CNTNAP5: variants seen among roughly 807,000 people sequenced by gnomAD.
The protein encoded by CNTNAP5 is contactin-associated protein-like 5.
Under a neutral mutation model 150.2 loss-of-function variants are expected in CNTNAP5, and 72 were observed. The observed-to-expected ratio is 0.48, with a 90% CI of 0.40 to 0.58. The LOEUF (loss-of-function observed/expected upper bound fraction) is 0.58. Ranked by LOEUF, CNTNAP5 falls within the 20% of genes least tolerant of loss-of-function variation. CNTNAP5 has a pLI of 0.00. For synonymous variants in CNTNAP5, 672 were observed against 619.8 expected (o/e 1.08, Z -1.25); for missense variants, 1,636 against 1,626.2 (o/e 1.01, Z -0.10).
At chr2:124,276,537 T>C (rs540818262) in intron 3 of CNTNAP5, among the ~76,000 whole-genome samples, 2 of 152,146 alleles carry the variant, frequency 1.3e-5, no homozygotes. Context: ...CATGTTTGGA[T>C]GATGAGCCCA....
chr2:124,502,255 T>C (rs1427815887), intron 7 of CNTNAP5, among the ~76,000 whole-genome samples: 1 of 152,090 alleles, frequency 6.6e-6, no homozygotes, highest in Non-Finnish European at 1.5e-5. Flanking sequence ...CATTAAACAA[T>C]GAAATGAAGG....
rs1677707515 is a variant in CNTNAP5 at position 124,869,779 on chromosome 2, C to T, written c.3436+17C>T. The T allele has an allele frequency of 6.9e-7, 1 of 1,453,134 alleles. No individual in the cohort carries two copies. The highest frequency in any genetic ancestry group is 1.4e-5 in the African/African-American group (1 of 71,666). The allele number at this position is 1,453,134 out of a possible 1,614,324, so 90.0% of individuals were successfully genotyped here. A position where few individuals can be genotyped will look rare whatever the true frequency, so the allele number is the denominator to read the frequency against. ...AAGTCACAGGTATGTTGTTCTAGTT[C>T]ATACCTTTCCAGTGGGCTTTATTAA... On this transcript the variant is annotated intron_variant, in intron 21 of 23. Transcript: ENST00000682447.
intron 13 of CNTNAP5, among the ~76,000 whole-genome samples, chr2:124,652,656 C>G (rs1295787884): frequency 1.3e-5 from 2 of 152,134 alleles, no homozygotes; most frequent in East Asian, 3.9e-4. Flanking sequence ...AGCAAGTGAC[C>G]GCATGGGGAA....
At chr2:124,770,290 A>G (rs777061632) in intron 16 of CNTNAP5, among the ~76,000 whole-genome samples, 1 of 152,170 alleles carries the variant, frequency 6.6e-6, no homozygotes, top group Admixed American at 6.6e-5. Flanking sequence ...GGGGGAGACA[A>G]TAAACAGATT....
intron 1 of CNTNAP5, among the ~76,000 whole-genome samples, chr2:124,204,092 T>C (rs1287995645): frequency 1.3e-5 from 2 of 152,218 alleles, no homozygotes. Flanking sequence ...ATGAATAAAA[T>C]GGAATGTTTT....
chr2:124,598,792 C>T lies in CNTNAP5; in HGVS notation c.1757-11009C>T, dbSNP rs1434225595. 5.3e-5 allele frequency among the ~76,000 whole-genome samples: 8 copies of T among 152,162 alleles called. No individual in the cohort carries two copies. The South Asian group carries it at 6.2e-4, about 12-fold the overall frequency. On this transcript the variant is annotated intron_variant, in intron 11 of 23. Transcript: ENST00000682447. ...CTCAGACTGCTGTCCTAGCAATCAGCGAGATTCCGTGGGCATAGGACCCTC... is the reference window on the plus strand; with the variant it reads ...CTCAGACTGCTGTCCTAGCAATCAGTGAGATTCCGTGGGCATAGGACCCTC...
intron 10 of CNTNAP5, among the ~76,000 whole-genome samples, chr2:124,551,202 G>T (rs767582189): frequency 6.6e-6 from 1 of 152,016 alleles, no homozygotes; most frequent in African/African-American, 2.4e-5. Flanking sequence ...GATCATCTTT[G>T]CTTGTCCATT....
intron 3 of CNTNAP5, among the ~76,000 whole-genome samples, chr2:124,297,816 A>T (rs1215980341): frequency 1.9e-3 from 44 of 22,748 alleles, no homozygotes; most frequent in East Asian, 3.7e-3. Flanking sequence ...ATTATTTATT[A>T]TTATTATTAT....
chr2:124,355,970 T>C (rs1351001308), intron 3 of CNTNAP5, among the ~76,000 whole-genome samples: 1 of 152,172 alleles, frequency 6.6e-6, no homozygotes, highest in Non-Finnish European at 1.5e-5. Context: ...GAAATGATTC[T>C]ACTTTTCTCA....
intron 17 of CNTNAP5, among the ~76,000 whole-genome samples, chr2:124,773,841 A>G (rs1238108758): frequency 2.7e-5 from 4 of 149,152 alleles, no homozygotes; most frequent in African/African-American, 7.5e-5. Flanking sequence ...CTGAGCCTTA[A>G]CTACATTTAT....
chr2:124,123,730 A>G (rs1259432156), intron 1 of CNTNAP5, among the ~76,000 whole-genome samples: 1 of 152,186 alleles, frequency 6.6e-6, no homozygotes, highest in African/African-American at 2.4e-5. Context: ...TCTGACAGCA[A>G]CATTTGCCAT....
At chr2:124,031,002 A>G (rs1681033308) in intron 1 of CNTNAP5, among the ~76,000 whole-genome samples, 1 of 152,070 alleles carries the variant, frequency 6.6e-6, no homozygotes, top group Non-Finnish European at 1.5e-5. Context: ...CTCCTCCAAC[A>G]CAAAGTTATG....
intron 1 of CNTNAP5, among the ~76,000 whole-genome samples, chr2:124,063,967 G>A (rs966572435): frequency 6.6e-5 from 10 of 152,112 alleles, no homozygotes; most frequent in Admixed American, 6.6e-4. Flanking sequence ...ACTTTCTATT[G>A]CTGAAAATCC....
intron 1 of CNTNAP5, among the ~76,000 whole-genome samples, chr2:124,163,989 A>C (rs1540892): frequency 0.97 from 147,515 of 152,290 alleles, 71,620 homozygotes; most frequent in South Asian, 1. Context: ...CAAAACATTC[A>C]TTTTCTTACA....
intron 3 of CNTNAP5, among the ~76,000 whole-genome samples, chr2:124,375,134 G>A (rs1458623619): frequency 6.6e-6 from 1 of 152,004 alleles, no homozygotes; most frequent in East Asian, 1.9e-4. Flanking sequence ...CAGTAATAAT[G>A]GTCGCAATAC....
At chr2:124,242,471 A>G (rs1686912432) in intron 3 of CNTNAP5, 78 bp downstream of exon 3, 2 of 1,362,978 alleles carry the variant, frequency 1.5e-6, no homozygotes, top group Non-Finnish European at 1.0e-6. Flanking sequence ...GTCATTTTCC[A>G]ATATCCAGAT....
At chr2:124,031,592 G>C (rs927353866) in intron 1 of CNTNAP5, among the ~76,000 whole-genome samples, 1 of 152,124 alleles carries the variant, frequency 6.6e-6, no homozygotes, top group African/African-American at 2.4e-5. Flanking sequence ...TCATTGCTAT[G>C]ATGGTCTTAT....
At position 124,556,704 on chromosome 2, in the gene CNTNAP5, G is replaced by A. The variant is rs139715777; in HGVS notation, c.1650-6513G>A. 1.7e-3 allele frequency among the ~76,000 whole-genome samples: 252 copies of A among 152,248 alleles called. 1 individual carries two copies. The highest frequency in any genetic ancestry group is 5.9e-3 in the African/African-American group (245 of 41,542). The stretch of plus-strand genomic sequence containing the variant: ...AGGACAGCTTCTGAAGGCCCAGCCA[G>A]CAGGAATTGCTCACATCTTGGATAT... On this transcript the variant is annotated intron_variant, in intron 10 of 23. Transcript: ENST00000682447.
At chr2:124,352,983 G>A (rs1689910780) in intron 3 of CNTNAP5, among the ~76,000 whole-genome samples, 1 of 152,156 alleles carries the variant, frequency 6.6e-6, no homozygotes, top group Non-Finnish European at 1.5e-5. Context: ...ACTAGAGAAA[G>A]ATGCACAGGC....
Sources: allele counts gnomAD v4.1 joint callset (sites outside exome capture counted in the v4.1 genomes callset), GRCh38; gene constraint gnomAD v4.1.1; transcripts MANE v1.5; gene names NCBI Gene and HGNC (gene_info 2026-07-23, HGNC 2026-07-21).